Variants in KIAA1217 observed in about 807,000 individuals in gnomAD.
The protein encoded by KIAA1217 is sickle tail protein homolog.
KIAA1217 carries 88 observed loss-of-function variants against 163.9 expected under a neutral mutation model. That is an observed-to-expected ratio of 0.54 (90% CI 0.45 to 0.64). The LOEUF (loss-of-function observed/expected upper bound fraction) is 0.64. Ranked by LOEUF, KIAA1217 falls within the 30% of genes least tolerant of loss-of-function variation. KIAA1217 has a pLI of 0.00. For synonymous variants in KIAA1217, 903 were observed against 923.1 expected, an observed-to-expected ratio of 0.98 and a Z score of 0.39; for missense variants, 2,372 against 2,475.0, an observed-to-expected ratio of 0.96 and a Z score of 0.88.
chr10:24,274,351 AT>A (rs71871934), intron 2 of KIAA1217, among the ~76,000 whole-genome samples: 11,579 of 144,368 alleles, frequency 0.08, 666 homozygotes, highest in African/African-American at 0.17. Context: ...AGTCCAGCTA[AT>A]TTTTTTTTTT....
chr10:24,188,923 G>A (rs1367070434), intron 2 of KIAA1217, among the ~76,000 whole-genome samples: 1 of 151,990 alleles, frequency 6.6e-6, no homozygotes, highest in East Asian at 1.9e-4. Flanking sequence ...GGCTAACATG[G>A]TGAAACCCCG....
intron 5 of KIAA1217, among the ~76,000 whole-genome samples, chr10:24,466,121 T>C (rs1400140331): frequency 6.6e-6 from 1 of 152,172 alleles, no homozygotes; most frequent in Non-Finnish European, 1.5e-5. Context: ...TTCCTTCAGC[T>C]GCCAATTCCC....
chr10:24,411,042 C>G (rs1252277942), intron 3 of KIAA1217, among the ~76,000 whole-genome samples: 1 of 152,190 alleles, frequency 6.6e-6, no homozygotes, highest in Non-Finnish European at 1.5e-5. Context: ...CTATTAAAAA[C>G]AATATCCACA....
chr10:24,249,822 A>G (rs1187860305), intron 2 of KIAA1217, among the ~76,000 whole-genome samples: 1 of 152,138 alleles, frequency 6.6e-6, no homozygotes, highest in Non-Finnish European at 1.5e-5. Flanking sequence ...AGGAGTGGAG[A>G]TTTGAACCCA....
At chr10:24,377,642 T>G (rs2134696868) in intron 2 of KIAA1217, among the ~76,000 whole-genome samples, 1 of 152,312 alleles carries the variant, frequency 6.6e-6, no homozygotes, top group East Asian at 1.9e-4. Flanking sequence ...TGCCTCTTAC[T>G]TTGCAAAATA....
chr10:24,080,002 C>T (rs2061488992), intron 2 of KIAA1217, among the ~76,000 whole-genome samples: 3 of 152,158 alleles, frequency 2.0e-5, no homozygotes, highest in South Asian at 4.1e-4. Context: ...ACAGATGAGA[C>T]AGACAGAGAC....
At chr10:24,301,613 C>T (rs559818069) in intron 2 of KIAA1217, among the ~76,000 whole-genome samples, 13 of 152,340 alleles carry the variant, frequency 8.5e-5, no homozygotes, top group Admixed American at 7.8e-4. Context: ...ATCCCCAGAT[C>T]ACTTCAGCTG....
At chr10:23,947,204 AG>A in intron 1 of KIAA1217, among the ~76,000 whole-genome samples, 1 of 152,234 alleles carries the variant, frequency 6.6e-6, no homozygotes, top group Admixed American at 6.5e-5. Flanking sequence ...GCATGAGAAC[AG>A]ACTAATGCAC....
chr10:24,389,749 T>C (rs898701134), intron 3 of KIAA1217, among the ~76,000 whole-genome samples: 5 of 152,186 alleles, frequency 3.3e-5, no homozygotes, highest in African/African-American at 1.2e-4. Flanking sequence ...AGATTCTTTC[T>C]GGAATATCCA....
At chr10:24,420,319 C>T (rs879275404) in intron 3 of KIAA1217, among the ~76,000 whole-genome samples, 4 of 152,104 alleles carry the variant, frequency 2.6e-5, no homozygotes, top group Admixed American at 2.0e-4. Context: ...TGGAGTTTCC[C>T]TCTCATTGAA....
At chr10:23,721,464 T>G (rs1244672532) in intron 1 of KIAA1217, among the ~76,000 whole-genome samples, 2 of 152,156 alleles carry the variant, frequency 1.3e-5, no homozygotes, top group African/African-American at 2.4e-5. Context: ...TTATAAATAC[T>G]CATAGCATCT....
chr10:24,544,182 G>A lies in KIAA1217; in HGVS notation c.4912G>A (p.Val1638Met), dbSNP rs369575055. Reference sequence around the variant, plus strand: ...ACCTGAAGACACCCCTGAAAACACAGTGAGGAGGCAAGAGCAGCCCAGCAT... The same window carrying A: ...ACCTGAAGACACCCCTGAAAACACAATGAGGAGGCAAGAGCAGCCCAGCAT... ...SQPEDTPENTVRRQEQPSIES... is the reference protein window; with the variant it reads ...SQPEDTPENTMRRQEQPSIES... The change falls in exon 19 of 21, where the codon GTG becomes ATG. Residue 1638 changes from valine to methionine, a missense_variant. Around this residue, in one of 3 missense-constraint regions of KIAA1217, gnomAD observed 690 missense variants for 677.5 expected, o/e 1.02. Transcript: ENST00000376454. 1 of 1,614,036 alleles carries A rather than the reference G, an allele frequency of 6.2e-7. No homozygotes were observed. The highest frequency in any genetic ancestry group is 1.3e-5 in the African/African-American group (1 of 74,912).
chr10:24,542,940 A>T lies in KIAA1217; in HGVS notation c.3670A>T (p.Asn1224Tyr). 6.2e-7 allele frequency: 1 copy of T among 1,613,718 alleles called. No individual in the cohort carries two copies. Among genetic ancestry groups the T allele is most frequent in the Non-Finnish European group, 8.5e-7 (1 of 1,179,790 alleles). The change falls in exon 19 of 21, where the codon AAT becomes TAT. Residue 1224 changes from asparagine to tyrosine, a missense_variant. Physicochemically the swap from Asn to Tyr is moderately radical, Grantham distance 143. Around this residue, in one of 3 missense-constraint regions of KIAA1217, gnomAD observed 251 missense variants for 327.3 expected, o/e 0.77. Coordinates refer to ENST00000376454, the MANE Select transcript of KIAA1217 (RefSeq NM_019590.5). ...DPPKWERGME[N>Y]SISDASRTSE... ...TCCTAAGTGGGAAAGAGGAATGGAG[A>T]ATAGTATTTCTGATGCATCAAGAAC...
At chr10:24,147,575 G>T (rs1342325327) in intron 2 of KIAA1217, among the ~76,000 whole-genome samples, 1 of 151,940 alleles carries the variant, frequency 6.6e-6, no homozygotes, top group African/African-American at 2.4e-5. Context: ...AGGCACGGTG[G>T]CTCATGCCTG....
At chr10:24,132,108 A>G (rs2063674411) in intron 2 of KIAA1217, among the ~76,000 whole-genome samples, 1 of 152,070 alleles carries the variant, frequency 6.6e-6, no homozygotes, top group African/African-American at 2.4e-5. Context: ...CCTGCAGTCC[A>G]CCCATGGTAG....
At chr10:23,887,989 T>C (rs2043273070) in intron 1 of KIAA1217, among the ~76,000 whole-genome samples, 1 of 151,954 alleles carries the variant, frequency 6.6e-6, no homozygotes, top group Non-Finnish European at 1.5e-5. Flanking sequence ...ATACATTACT[T>C]AGGATTTCTT....
chr10:23,763,517 A>G (rs1834366424), intron 1 of KIAA1217, among the ~76,000 whole-genome samples: 1 of 152,004 alleles, frequency 6.6e-6, no homozygotes, highest in African/African-American at 2.4e-5. Context: ...GGGGGAAGGT[A>G]AATGGTGCTG....
intron 1 of KIAA1217, among the ~76,000 whole-genome samples, chr10:23,883,793 C>T (rs75576519): frequency 0.01 from 1,564 of 152,020 alleles, 45 homozygotes; most frequent in Admixed American, 0.049. Flanking sequence ...ATCTCTCCCC[C>T]CAACTCTTGA....
At chr10:24,307,582 C>CCTG (rs1443013145) in intron 2 of KIAA1217, among the ~76,000 whole-genome samples, 1 of 150,286 alleles carries the variant, frequency 6.7e-6, no homozygotes, top group Non-Finnish European at 1.5e-5. Context: ...TTGAGACCAG[C>CCTG]CTGGACCACA....
Sources: gnomAD v4.1 joint callset for allele counts (sites outside exome capture counted in the v4.1 genomes callset) on GRCh38, gnomAD v4.1.1 for gene constraint, gnomAD v4.1.1 regional missense constraint, MANE v1.5 for transcripts, NCBI Gene and HGNC (gene_info 2026-07-23, HGNC 2026-07-21) for gene names.